Variants in HELZ observed in about 807,000 individuals in gnomAD.
HELZ encodes the protein helicase with zinc finger.
Under a neutral mutation model 218.2 loss-of-function variants are expected in HELZ, and 23 were observed. That is an observed-to-expected ratio of 0.11 (90% CI 0.08 to 0.15). HELZ has a LOEUF of 0.15. Ranked by LOEUF, HELZ falls within the 10% of genes least tolerant of loss-of-function variation. The pLI is 1.00. For missense variants in HELZ, 1,813 were observed against 2,353.7 expected (o/e 0.77, Z 4.75); for synonymous variants, 814 against 829.4 (o/e 0.98, Z 0.32).
rs778475403 is a variant in HELZ at position 67,137,968 on chromosome 17, T to C, written c.2916A>G (p.Leu972=). Residue 972 remains leucine, a synonymous_variant, in exon 22 of 33, where the codon TTA becomes TTG. Coordinates refer to ENST00000358691, the MANE Select transcript of HELZ (RefSeq NM_014877.4). The stretch of plus-strand genomic sequence containing the variant: ...GCACCCTTTCTACATTAACATCAGA[T>C]AATCTCTTTTTTCGAAGTTCAGCAC... ...RIRAELRKKR[L]SDVNVERVLN... 2.5e-6 allele frequency: 4 copies of C among 1,613,048 alleles called. No homozygotes were observed. Among genetic ancestry groups the C allele is most frequent in the Admixed American group, 1.7e-5 (1 of 59,956 alleles).
intron 32 of HELZ, among the ~76,000 whole-genome samples, chr17:67,080,109 G>A (rs1237697895): frequency 6.6e-6 from 1 of 152,084 alleles, no homozygotes; most frequent in East Asian, 1.9e-4. Context: ...CCTGTTTTAA[G>A]TTAAAATTTT....
Position 67,198,582 on chromosome 17 carries a change from A to C in HELZ, c.429+2547T>G, listed in dbSNP as rs2040090179. On this transcript the variant is annotated intron_variant, in intron 7 of 32. Transcript: ENST00000358691. Reference sequence around the variant, plus strand: ...CAAAGATTACACTGCTAGAACTATAAATTCAGAATCAAATCTATTAATCAG... The same window carrying C: ...CAAAGATTACACTGCTAGAACTATACATTCAGAATCAAATCTATTAATCAG... Among the ~76,000 whole-genome samples the C allele has an allele frequency of 2.6e-5, 4 of 152,340 alleles. No homozygotes were observed. In the South Asian group the frequency reaches 8.3e-4, roughly 32 times the overall value.
chr17:67,205,092 C>T (rs141768271), intron 5 of HELZ, among the ~76,000 whole-genome samples: 5 of 152,000 alleles, frequency 3.3e-5, no homozygotes, highest in South Asian at 4.2e-4. Flanking sequence ...TTTGGGAGGC[C>T]GAGGCGGGCA....
At chr17:67,155,698 G>A (rs756051069) in intron 17 of HELZ, among the ~76,000 whole-genome samples, 4 of 152,066 alleles carry the variant, frequency 2.6e-5, no homozygotes, top group Non-Finnish European at 4.4e-5. Context: ...TTAACTGGGC[G>A]TGGTGGCGTG....
intron 26 of HELZ, among the ~76,000 whole-genome samples, chr17:67,121,675 A>G (rs2037614354): frequency 6.6e-6 from 1 of 152,258 alleles, no homozygotes. Flanking sequence ...AAAACTCCTG[A>G]ATTGAAAATA....
chr17:67,149,689 G>A (rs1649380553), intron 19 of HELZ, among the ~76,000 whole-genome samples, 178 bp downstream of exon 19: 1 of 152,146 alleles, frequency 6.6e-6, no homozygotes, highest in African/African-American at 2.4e-5. Flanking sequence ...AAAAAGAGTA[G>A]CAGAATAGTA....
At chr17:67,184,694 T>C (rs1313699305) in intron 12 of HELZ, among the ~76,000 whole-genome samples, 1 of 152,060 alleles carries the variant, frequency 6.6e-6, no homozygotes, top group Non-Finnish European at 1.5e-5. Flanking sequence ...TGTGCACTGA[T>C]AGTCTCAACT....
intron 12 of HELZ, among the ~76,000 whole-genome samples, chr17:67,180,877 C>CA (rs1019801835): frequency 0.27 from 11,081 of 40,554 alleles, 1,398 homozygotes; most frequent in African/African-American, 0.4. Context: ...GACTCCATCT[C>CA]AAAAAAAAAA....
chr17:67,170,783 C>T (rs143886169), intron 13 of HELZ, among the ~76,000 whole-genome samples: 1,628 of 149,372 alleles, frequency 0.011, 19 homozygotes, highest in South Asian at 0.018. Flanking sequence ...CCTGAGATAG[C>T]GACACCGCAC....
intron 12 of HELZ, among the ~76,000 whole-genome samples, chr17:67,182,229 G>A (rs544030370): frequency 5.9e-5 from 9 of 152,186 alleles, no homozygotes; most frequent in African/African-American, 2.2e-4. Flanking sequence ...GTCACCTGAG[G>A]TCAGGAGTTC....
intron 1 of HELZ, 120 bp downstream of exon 1, chr17:67,245,027 GC>G: frequency 4.1e-6 from 4 of 985,156 alleles, no homozygotes; most frequent in Non-Finnish European, 4.8e-6. Context: ...CCCCCAGCCT[GC>G]CCCGGGGCCG....
At chr17:67,084,085 C>G (rs549206340) in intron 32 of HELZ, among the ~76,000 whole-genome samples, 181 of 152,286 alleles carry the variant, frequency 1.2e-3, no homozygotes, top group African/African-American at 4.2e-3. Flanking sequence ...TATTTTATGT[C>G]TGATACCACT....
At chr17:67,161,266 G>A (rs1365778618) in intron 15 of HELZ, among the ~76,000 whole-genome samples, 190 bp from the exon 16 acceptor site, 1 of 152,140 alleles carries the variant, frequency 6.6e-6, no homozygotes, top group Non-Finnish European at 1.5e-5. Flanking sequence ...GTGTTTTAAC[G>A]TGTAAATCAA....
In HELZ at chr17:67,074,207, G is replaced by A. The variant is rs933210535; in HGVS notation, c.*4045C>T. ...GGATGGTGAGCAAGAAATAATGTACGGTAAATCATAAAAGACAAATTACTA... is the reference window on the plus strand; with the variant it reads ...GGATGGTGAGCAAGAAATAATGTACAGTAAATCATAAAAGACAAATTACTA... On this transcript the variant is annotated 3_prime_UTR_variant, in exon 33 of 33. Transcript: ENST00000358691. 1.1e-4 allele frequency: 16 copies of A among 150,824 alleles called. No homozygotes were observed. The highest frequency in any genetic ancestry group is 3.7e-4 in the African/African-American group (15 of 40,976). The allele number at this position is 150,824 out of a possible 1,614,324, so 9.3% of individuals were successfully genotyped here. A position where few individuals can be genotyped will look rare whatever the true frequency, so the allele number is the denominator to read the frequency against.
Position 67,109,241 on chromosome 17 carries a change from G to A in HELZ, c.4364C>T (p.Pro1455Leu). ...ACTGTGGCCTTCTTGCAGCATGGGA[G>A]GGGGCTGCTGCTCCGGAATTACAGC... The part of the protein sequence containing the change: ...AEAVIPEQQP[P>L]PMLQEGHSPL... Residue 1455 changes from proline to leucine, a missense_variant, in exon 29 of 33, where the codon CCT becomes CTT. This residue lies in a region of HELZ where 938 missense variants were observed against 1,027.5 expected (regional missense o/e 0.91). Coordinates refer to ENST00000358691, the MANE Select transcript of HELZ (RefSeq NM_014877.4). The A allele has an allele frequency of 6.2e-7, 1 of 1,614,152 alleles. No individual in the cohort carries two copies. Among genetic ancestry groups the A allele is most frequent in the South Asian group, 1.1e-5 (1 of 91,084 alleles).
At chr17:67,185,897 CT>C (rs1295003601) in intron 12 of HELZ, among the ~76,000 whole-genome samples, 1 of 152,090 alleles carries the variant, frequency 6.6e-6, no homozygotes, top group Admixed American at 6.5e-5. Flanking sequence ...TATATAAATC[CT>C]CTCTACCACA....
rs1346428004 is a variant in HELZ, at chr17:67,095,088, A to G, written c.5242-8007T>C. 5.3e-5 allele frequency among the ~76,000 whole-genome samples: 8 copies of G among 152,364 alleles called. No homozygotes were observed. The South Asian group carries it at 1.0e-3, about 20-fold the overall frequency. On this transcript the variant is annotated intron_variant, in intron 31 of 32. Transcript: ENST00000358691. ...AGAACTTCTTTCAAAATGGGAGTCA[A>G]TCTTCTTAAGCCCTTCCAGTATTTT...
chr17:67,224,847 T>C, intron 3 of HELZ: 4 of 976,672 alleles, frequency 4.1e-6, no homozygotes, highest in Non-Finnish European at 4.8e-6. Context: ...AGCAGCGTTA[T>C]GACATGAAAC....
chr17:67,196,673 G>A (rs1449346560), intron 7 of HELZ, among the ~76,000 whole-genome samples: 1 of 151,766 alleles, frequency 6.6e-6, no homozygotes, highest in Non-Finnish European at 1.5e-5. Flanking sequence ...TGGGTGGGTG[G>A]GTGGATGGAT....
Sources: gnomAD v4.1 joint callset for allele counts (sites outside exome capture counted in the v4.1 genomes callset) on GRCh38, gnomAD v4.1.1 for gene constraint, gnomAD v4.1.1 regional missense constraint, MANE v1.5 for transcripts, NCBI Gene and HGNC (gene_info 2026-07-23, HGNC 2026-07-21) for gene names.